Variants in IQUB observed in about 807,000 individuals in gnomAD.
IQUB encodes IQ motif and ubiquitin domain containing, also known as IQ motif and ubiquitin-like domain-containing protein.
IQUB carries 86 observed loss-of-function variants against 86.4 expected under a neutral mutation model. The observed-to-expected ratio is 1.00, with a 90% confidence interval of 0.84 to 1.19. The LOEUF is 1.19. Ranked by LOEUF, IQUB falls within the 50% of genes most tolerant of loss-of-function variation. The pLI, the probability that IQUB is intolerant of heterozygous loss-of-function variation, is 0.00. For synonymous variants in IQUB, 289 were observed against 304.5 expected, an observed-to-expected ratio of 0.95 and a Z score of 0.53; for missense variants, 946 against 916.9, an observed-to-expected ratio of 1.03 and a Z score of -0.41.
chr7:123,514,670 T>C (rs1796564889), intron 1 of IQUB, among the ~76,000 whole-genome samples: 1 of 152,174 alleles, frequency 6.6e-6, no homozygotes. Flanking sequence ...AGTGGTGAAG[T>C]CTGGGCTTTT....
chr7:123,487,566 AT>A (rs1214036366), intron 7 of IQUB, among the ~76,000 whole-genome samples: 3 of 152,242 alleles, frequency 2.0e-5, no homozygotes, highest in Non-Finnish European at 4.4e-5. Flanking sequence ...CCTGTTCTTA[AT>A]AGAGGATATT....
intron 1 of IQUB, among the ~76,000 whole-genome samples, chr7:123,529,724 TAAA>T (rs753026777): frequency 2.2e-4 from 8 of 35,828 alleles, no homozygotes; most frequent in African/African-American, 5.0e-4. Context: ...TGTCTCTACT[TAAA>T]AAAAAAAAAA....
chr7:123,468,281 T>C (rs1047776547), intron 9 of IQUB, among the ~76,000 whole-genome samples: 1 of 152,058 alleles, frequency 6.6e-6, no homozygotes, highest in Non-Finnish European at 1.5e-5. Context: ...AAACAGTGAG[T>C]ATCTCTTGTG....
chr7:123,521,873 A>C (rs752981020), intron 1 of IQUB, among the ~76,000 whole-genome samples: 11 of 152,188 alleles, frequency 7.2e-5, no homozygotes, highest in Non-Finnish European at 2.9e-5. Flanking sequence ...CCTAAAAATA[A>C]GAAATGTCAA....
At chr7:123,498,850 TGTG>T (rs1205375216) in intron 6 of IQUB, among the ~76,000 whole-genome samples, 1 of 152,186 alleles carries the variant, frequency 6.6e-6, no homozygotes. Flanking sequence ...AGTGATGAAA[TGTG>T]GTCATCAGTG....
intron 11 of IQUB, among the ~76,000 whole-genome samples, chr7:123,458,719 G>T (rs139954303): frequency 2.0e-4 from 30 of 152,042 alleles, no homozygotes; most frequent in African/African-American, 7.0e-4. Context: ...TGTCAAATGT[G>T]CACATAAGTG....
intron 1 of IQUB, among the ~76,000 whole-genome samples, chr7:123,520,991 T>C (rs1313622308): frequency 6.6e-6 from 1 of 152,080 alleles, no homozygotes; most frequent in Non-Finnish European, 1.5e-5. Flanking sequence ...AGGCCTGAGG[T>C]ATGCATGGAA....
At chr7:123,462,643 C>T (rs1023451431) in intron 10 of IQUB, 4 of 264,076 alleles carry the variant, frequency 1.5e-5, no homozygotes, top group African/African-American at 9.0e-5. Context: ...AAGAAGACAA[C>T]TTATCTGGTT....
At chr7:123,497,070 A>C (rs1342164782) in intron 6 of IQUB, among the ~76,000 whole-genome samples, 164 bp from the exon 7 acceptor site, 2 of 152,206 alleles carry the variant, frequency 1.3e-5, no homozygotes, top group Non-Finnish European at 2.9e-5. Flanking sequence ...AAAAACATGT[A>C]TAATGCATGT....
chr7:123,498,098 A>G (rs1322462194), intron 6 of IQUB, among the ~76,000 whole-genome samples: 1 of 151,938 alleles, frequency 6.6e-6, no homozygotes, highest in East Asian at 1.9e-4. Context: ...CCCTATCCAG[A>G]AAACTAGGTT....
chr7:123,530,740 G>A (rs1314063701), intron 1 of IQUB, among the ~76,000 whole-genome samples: 5 of 144,300 alleles, frequency 3.5e-5, no homozygotes, highest in Admixed American at 7.2e-5. Context: ...GAAGTGGCGC[G>A]ATCTTGGCTT....
At chr7:123,469,425 A>G in intron 8 of IQUB, 41 bp from the exon 9 acceptor site, 1 of 1,245,630 alleles carries the variant, frequency 8.0e-7, no homozygotes, top group Non-Finnish European at 1.1e-6. Flanking sequence ...AGTTAATTAG[A>G]AACTACGTAT....
At position 123,510,336 on chromosome 7, in the gene IQUB, C is replaced by T. The variant is rs143343885; in HGVS notation, c.398-301G>A. Among the ~76,000 whole-genome samples the T allele has an allele frequency of 5.5e-4, 83 of 152,114 alleles. No homozygotes were observed. In the South Asian group the frequency reaches 7.3e-3, roughly 13 times the overall value. On this transcript the variant is annotated intron_variant, in intron 2 of 12. Transcript: ENST00000324698. ...GCATAGGATACATCTCAGGAAATCACGCATTTTTGCATAGTGAATTTAGGA... is the reference window on the plus strand; with the variant it reads ...GCATAGGATACATCTCAGGAAATCATGCATTTTTGCATAGTGAATTTAGGA...
intron 9 of IQUB, among the ~76,000 whole-genome samples, chr7:123,465,317 C>T (rs1794197325): frequency 6.6e-6 from 1 of 151,624 alleles, no homozygotes; most frequent in South Asian, 2.1e-4. Flanking sequence ...CAACACTAAA[C>T]CATATTATTT....
intron 7 of IQUB, among the ~76,000 whole-genome samples, chr7:123,494,116 C>A (rs1795610005): frequency 1.3e-5 from 2 of 152,050 alleles, no homozygotes; most frequent in South Asian, 4.1e-4. Context: ...ATACTTAGCA[C>A]CTTTTTTTCC....
In IQUB at chr7:123,473,772, A is replaced by G. The variant is rs919651264; in HGVS notation, c.1411-4388T>C. 3.4e-5 allele frequency among the ~76,000 whole-genome samples: 5 copies of G among 149,106 alleles called. No homozygotes were observed. In the South Asian group the frequency reaches 6.4e-4, roughly 19 times the overall value. On this transcript the variant is annotated intron_variant, in intron 8 of 12. Coordinates refer to ENST00000324698, the MANE Select transcript of IQUB (RefSeq NM_178827.5). ...TTTTTTTTTTTTGTATTTTTAGTAG[A>G]GACATGGTTTTACCATGTTGGTCAG...
intron 1 of IQUB, among the ~76,000 whole-genome samples, chr7:123,527,291 G>T (rs759288115): frequency 1.8e-3 from 275 of 152,110 alleles, no homozygotes; most frequent in Middle Eastern, 3.4e-3. Context: ...TAATTTGATC[G>T]TCTGAAGCCT....
chr7:123,518,671 T>C (rs1796762464), intron 1 of IQUB, among the ~76,000 whole-genome samples: 1 of 152,208 alleles, frequency 6.6e-6, no homozygotes, highest in African/African-American at 2.4e-5. Context: ...CTCAGCTCAC[T>C]GCAACCTCTG....
At chr7:123,491,925 C>A (rs55976749) in intron 7 of IQUB, among the ~76,000 whole-genome samples, 35,349 of 152,084 alleles carry the variant, frequency 0.23, 4,839 homozygotes, top group East Asian at 0.33. Flanking sequence ...AAAATTTTGG[C>A]AAATCAAGTC....
Sources: gnomAD v4.1 joint callset for allele counts (sites outside exome capture counted in the v4.1 genomes callset) on GRCh38, gnomAD v4.1.1 for gene constraint, MANE v1.5 for transcripts, NCBI Gene and HGNC (gene_info 2026-07-23, HGNC 2026-07-21) for gene names.